CBR1: variants seen among roughly 807,000 people sequenced by gnomAD.
CBR1 encodes carbonyl reductase [NADPH] 1.
In CBR1, 11 loss-of-function variants were observed where a neutral mutation model predicts 10.6. The observed-to-expected ratio is 1.03, with a 90% CI of 0.65 to 1.71. The LOEUF (loss-of-function observed/expected upper bound fraction) is 1.71, where lower values mean the gene tolerates loss of function less well. Ranked by LOEUF, CBR1 falls within the 40% of genes most tolerant of loss-of-function variation. The probability of loss-of-function intolerance (pLI) is 0.00; values close to 1 mark genes in which losing one functional copy is unlikely to be tolerated. For missense variants in CBR1, 361 were observed against 368.6 expected, an observed-to-expected ratio of 0.98 and a Z score of 0.17; for synonymous variants, 158 against 156.7, an observed-to-expected ratio of 1.01 and a Z score of -0.06.
chr21:36,073,126 A>C lies in CBR1; in HGVS notation c.*244A>C. The C allele has an allele frequency of 2.5e-6, 1 of 404,676 alleles. No homozygotes were observed. The allele number at this position is 404,676 out of a possible 1,614,324, so 25.1% of individuals were successfully genotyped here. ...AAATTGTAATTGATGAAAATAATGA[A>C]TGAAAATCAACAGATGAATAAATGG... is the stretch of plus-strand genomic sequence containing the variant. On this transcript the variant is annotated 3_prime_UTR_variant, in exon 3 of 3. Transcript: ENST00000290349.
chr21:36,070,746 C>T (rs944864423), intron 1 of CBR1, among the ~76,000 whole-genome samples: 1 of 152,118 alleles, frequency 6.6e-6, no homozygotes, highest in Non-Finnish European at 1.5e-5. Flanking sequence ...CCTCCTTCCC[C>T]CAATGGTGCC....
At chr21:36,071,943 C>G in intron 2 of CBR1, 2 of 1,535,970 alleles carry the variant, frequency 1.3e-6, no homozygotes, top group South Asian at 2.4e-5. Context: ...ATTTTAACTC[C>G]CCTTCAACGT....
intron 1 of CBR1, 97 bp from the exon 2 acceptor site, chr21:36,070,853 G>GTTTTTTT: frequency 7.9e-6 from 4 of 509,238 alleles, no homozygotes; most frequent in South Asian, 2.3e-5. Flanking sequence ...AGGGCACTAA[G>GTTTTTTT]TTTTTTTTTT....
At chr21:36,071,542 TC>T (rs2065352092) in intron 2 of CBR1, 2 of 560,170 alleles carry the variant, frequency 3.6e-6, no homozygotes, top group Admixed American at 6.4e-5. Flanking sequence ...CTGATGCCTT[TC>T]CCCACAATCT....
rs749558223 is a variant in CBR1, at chr21:36,070,981, T to C, written c.321T>C (p.Ala107=). 1.9e-6 allele frequency: 3 copies of C among 1,613,694 alleles called. No individual in the cohort carries two copies. Among genetic ancestry groups the C allele is most frequent in the Non-Finnish European group, 2.5e-6 (3 of 1,179,802 alleles). ...VADPTPFHIQ[A]EVTMKTNFFG... ...ATCCCACACCCTTTCATATTCAAGC[T>C]GAAGTGACGATGAAAACAAATTTCT... Residue 107 remains alanine, a synonymous_variant, in exon 2 of 3, where the codon GCT becomes GCC. Transcript: ENST00000290349.
In CBR1 at chr21:36,072,913, A is replaced by G. The variant is rs763742012; in HGVS notation, c.*31A>G. The G allele has an allele frequency of 7.0e-5, 105 of 1,505,726 alleles. No individual in the cohort carries two copies. The highest frequency in any genetic ancestry group is 8.7e-5 in the Non-Finnish European group (96 of 1,097,946). The allele number at this position is 1,505,726 out of a possible 1,614,324, so 93.3% of individuals were successfully genotyped here. A position where few individuals can be genotyped will look rare whatever the true frequency, so the allele number is the denominator to read the frequency against. On this transcript the variant is annotated 3_prime_UTR_variant, in exon 3 of 3. Transcript: ENST00000290349. ...GCTCACAGCTCCATCCATGGGCCCC[A>G]TTTTGTACCTTGTCCTGAGTTGGTC... is the stretch of plus-strand genomic sequence containing the variant.
chr21:36,071,259 T>C, intron 2 of CBR1: 1 of 695,330 alleles, frequency 1.4e-6, no homozygotes, highest in Non-Finnish European at 2.6e-6. Flanking sequence ...CCATTCGTCC[T>C]CCCTGTCGCA....
rs761398228 is a variant in CBR1 at position 36,070,233 on chromosome 21, G to A, written c.118G>A (p.Val40Met). ...SGDVVLTARD[V>M]TRGQAAVQQL... is the part of the protein sequence containing the mutation. ...GGACGTGGTGCTCACGGCGCGGGAC[G>A]TGACGCGGGGCCAGGCGGCCGTACA... Residue 40 changes from valine to methionine, a missense_variant, in exon 1 of 3, where the codon GTG becomes ATG. Transcript: ENST00000290349. 4 of 1,610,162 alleles carry A rather than the reference G, an allele frequency of 2.5e-6. No individual in the cohort carries two copies. The highest frequency in any genetic ancestry group is 2.7e-5 in the African/African-American group (2 of 74,910).
intron 2 of CBR1, 71 bp downstream of exon 2, chr21:36,071,128 C>A: frequency 1.0e-6 from 1 of 955,542 alleles, no homozygotes; most frequent in Non-Finnish European, 1.7e-6. Flanking sequence ...TGGGATTTCT[C>A]CTGCAGGCTC....
chr21:36,072,174 T>G (rs1434363395), intron 2 of CBR1: 1 of 1,549,826 alleles, frequency 6.5e-7, no homozygotes, highest in Non-Finnish European at 8.7e-7. Context: ...TCCTGTTAAG[T>G]TGTGCTACTT....
At position 36,070,427 on chromosome 21, in the gene CBR1, C is replaced by G. The variant is rs747591615; in HGVS notation, c.289+23C>G. On this transcript the variant is annotated intron_variant, in intron 1 of 2. Transcript: ENST00000290349. ...AGGGTATGGGGAGGGGACGTGGCCT[C>G]CCCGAAGAAGAACCGATGCACTGGG... 9.0e-6 allele frequency: 14 copies of G among 1,559,290 alleles called. No homozygotes were observed. The African/African-American group carries it at 9.6e-5, about 11-fold the overall frequency.
intron 1 of CBR1, chr21:36,070,613 T>G: frequency 1.8e-6 from 1 of 565,726 alleles, no homozygotes; most frequent in Non-Finnish European, 3.0e-6. Context: ...TTTCAGGTTT[T>G]CTGCAGTTTT....
Position 36,070,310 on chromosome 21 carries a change from C to A in CBR1, c.195C>A (p.Asp65Glu), listed in dbSNP as rs769401188. Residue 65 changes from aspartate to glutamate, a missense_variant, in exon 1 of 3, where the codon GAC (aspartate) becomes GAA (glutamate). Physicochemically the swap from Asp to Glu is conservative, Grantham distance 45. Transcript: ENST00000290349. ...LSPRFHQLDI[D>E]DLQSIRALRD... ...CGCGCTTCCACCAGCTGGACATCGA[C>A]GATCTGCAGAGCATCCGCGCCCTGC... The A allele has an allele frequency of 4.3e-6, 7 of 1,613,112 alleles. No homozygotes were observed. Among genetic ancestry groups the A allele is most frequent in the East Asian group, 2.2e-5 (1 of 44,868 alleles).
At chr21:36,071,216 A>G in intron 2 of CBR1, 159 bp downstream of exon 2, 1 of 711,866 alleles carries the variant, frequency 1.4e-6, no homozygotes, top group Non-Finnish European at 2.6e-6. Flanking sequence ...ATTTTGCCTC[A>G]GGACTTTGTC....
chr21:36,071,532 C>T (rs2065352022), intron 2 of CBR1: 2 of 560,522 alleles, frequency 3.6e-6, no homozygotes, highest in Non-Finnish European at 6.4e-6. Context: ...CCATCTCTTC[C>T]TGATGCCTTT....
intron 2 of CBR1, chr21:36,071,442 T>G: frequency 1.7e-6 from 1 of 587,488 alleles, no homozygotes; most frequent in Non-Finnish European, 3.0e-6. Flanking sequence ...CTACCACCAG[T>G]TCATTAGGCC....
chr21:36,071,585 C>T (rs917948774), intron 2 of CBR1: 6 of 578,010 alleles, frequency 1.0e-5, no homozygotes, highest in African/African-American at 9.4e-5. Context: ...TATCCTTTTC[C>T]CTAAGTCGTT....
At chr21:36,071,183 T>G in intron 2 of CBR1, 126 bp downstream of exon 2, 1 of 742,384 alleles carries the variant, frequency 1.3e-6, no homozygotes, top group Non-Finnish European at 2.5e-6. Context: ...CTGTGCTTTT[T>G]CTCCTGCCAG....
At position 36,072,771 on chromosome 21, in the gene CBR1, C is replaced by T; in HGVS notation, c.723C>T (p.Thr241=). The change falls in exon 3 of 3, where the codon ACC becomes ACT. Residue 241 remains threonine, a synonymous_variant. Transcript: ENST00000290349. ...VRTDMAGPKA[T]KSPEEGAETP... ...CTGACATGGCGGGACCCAAGGCCAC[C>T]AAGAGCCCAGAAGAAGGTGCAGAGA... 1.9e-6 allele frequency: 3 copies of T among 1,614,120 alleles called. No homozygotes were observed. The highest frequency in any genetic ancestry group is 2.5e-6 in the Non-Finnish European group (3 of 1,180,022).
Sources: gnomAD v4.1 joint callset for allele counts (sites outside exome capture counted in the v4.1 genomes callset) on GRCh38, gnomAD v4.1.1 for gene constraint, MANE v1.5 for transcripts, NCBI Gene and HGNC (gene_info 2026-07-23, HGNC 2026-07-21) for gene names.